The following ELP4 variants were observed in gnomAD, a reference collection of about 807,000 sequenced individuals.
The protein encoded by ELP4 is elongator acetyltransferase complex subunit 4, also known as elongator complex protein 4.
In ELP4, 51 loss-of-function variants were observed where a neutral mutation model predicts 48.9. The observed-to-expected ratio is 1.04, with a 90% CI of 0.83 to 1.32. The LOEUF is 1.32. Ranked by LOEUF, ELP4 falls within the 40% of genes most tolerant of loss-of-function variation. The pLI is 0.00. For synonymous variants in ELP4, 210 were observed against 189.2 expected (o/e 1.11, Z -0.90); for missense variants, 519 against 514.6 (o/e 1.01, Z -0.08).
intron 2 of ELP4, among the ~76,000 whole-genome samples, chr11:31,539,192 C>T (rs1027605365): frequency 6.6e-6 from 1 of 152,164 alleles, no homozygotes; most frequent in Non-Finnish European, 1.5e-5. Context: ...TGGCCGGGCG[C>T]GGTGGCTTAC....
intron 9 of ELP4, among the ~76,000 whole-genome samples, chr11:31,726,128 C>T (rs1337499832): frequency 1.3e-5 from 2 of 152,102 alleles, no homozygotes; most frequent in African/African-American, 4.8e-5. Context: ...AATTGAGGAA[C>T]AGATTTGGGG....
intron 9 of ELP4, among the ~76,000 whole-genome samples, chr11:31,731,252 A>G (rs560878780): frequency 2.0e-5 from 3 of 152,324 alleles, no homozygotes; most frequent in East Asian, 3.9e-4. Context: ...AAAAACAGGT[A>G]TGTGAATTGC....
intron 9 of ELP4, among the ~76,000 whole-genome samples, chr11:31,726,825 A>G (rs1337612443): frequency 2.6e-5 from 4 of 152,324 alleles, no homozygotes; most frequent in Admixed American, 6.5e-5. Context: ...ATATTATACA[A>G]TATGAATTGA....
intron 9 of ELP4, among the ~76,000 whole-genome samples, chr11:31,672,146 A>G (rs1380165360): frequency 1.3e-5 from 2 of 152,124 alleles, no homozygotes; most frequent in East Asian, 1.9e-4. Flanking sequence ...TACCCCCTGT[A>G]AAGACACTCC....
chr11:31,581,759 T>A (rs1957397148), intron 3 of ELP4, among the ~76,000 whole-genome samples: 1 of 151,650 alleles, frequency 6.6e-6, no homozygotes. Flanking sequence ...TGTCTTTTTT[T>A]TTTTTTTCTT....
At chr11:31,598,447 G>T (rs374171626) in intron 4 of ELP4, among the ~76,000 whole-genome samples, 3 of 147,410 alleles carry the variant, frequency 2.0e-5, no homozygotes, top group African/African-American at 7.5e-5. Flanking sequence ...ATTAATTAAG[G>T]TTGCATATTA....
chr11:31,657,955 C>T (rs1225229647), intron 9 of ELP4, among the ~76,000 whole-genome samples: 1 of 151,996 alleles, frequency 6.6e-6, no homozygotes, highest in African/African-American at 2.4e-5. Context: ...ACCCATATAA[C>T]ATTATTATCT....
chr11:31,786,814 G>C lies in ELP4; in HGVS notation c.*3290G>C, dbSNP rs1948669297. 4.6e-6 allele frequency: 1 copy of C among 218,158 alleles called. No homozygotes were observed. The highest frequency in any genetic ancestry group is 9.2e-6 in the Non-Finnish European group (1 of 108,518). The allele number at this position is 218,158 out of a possible 1,614,324, so 13.5% of individuals were successfully genotyped here. A position where few individuals can be genotyped will look rare whatever the true frequency, so the allele number is the denominator to read the frequency against. On this transcript the variant is annotated 3_prime_UTR_variant, in exon 10 of 10. Transcript: ENST00000640961. The stretch of plus-strand genomic sequence containing the variant: ...GCAGTAAAATGCATTTTTTTACTTA[G>C]AGCAGTTTGAACGTTTATTACTTAA...
At chr11:31,779,195 C>T (rs985067465) in intron 9 of ELP4, among the ~76,000 whole-genome samples, 3 of 152,168 alleles carry the variant, frequency 2.0e-5, no homozygotes, top group African/African-American at 7.2e-5. Context: ...TCAAAGTATA[C>T]TACATCAGTT....
At chr11:31,566,505 TA>T (rs1370542249) in intron 3 of ELP4, among the ~76,000 whole-genome samples, 1 of 152,182 alleles carries the variant, frequency 6.6e-6, no homozygotes, top group Non-Finnish European at 1.5e-5. Context: ...AAAGAATGGT[TA>T]AAAAAATATT....
At chr11:31,592,099 G>A (rs1169735076) in intron 3 of ELP4, among the ~76,000 whole-genome samples, 1 of 152,188 alleles carries the variant, frequency 6.6e-6, no homozygotes, top group Admixed American at 6.5e-5. Context: ...GAAGGGGAAT[G>A]TGGAGTGATT....
chr11:31,596,172 AGG>A (rs1957667919), intron 4 of ELP4, among the ~76,000 whole-genome samples: 1 of 152,162 alleles, frequency 6.6e-6, no homozygotes, highest in Non-Finnish European at 1.5e-5. Flanking sequence ...TGGGAGGCCG[AGG>A]CGGGTGGATC....
chr11:31,677,789 CT>C (rs1945961382), intron 9 of ELP4, among the ~76,000 whole-genome samples: 1 of 152,154 alleles, frequency 6.6e-6, no homozygotes, highest in South Asian at 2.1e-4. Flanking sequence ...TCAGTTTCCC[CT>C]ATTATTAATA....
intron 9 of ELP4, among the ~76,000 whole-genome samples, chr11:31,771,708 A>C (rs12799222): frequency 6.6e-6 from 1 of 152,158 alleles, no homozygotes. Context: ...GGCCGGGCTC[A>C]GTGGCTCACG....
rs1947800147 is a variant in ELP4 at position 31,754,872 on chromosome 11, A to G, written c.1144-28521A>G. The stretch of plus-strand genomic sequence containing the variant: ...GGGTGACAGAGCAAGACTCTATGTC[A>G]AAAATAAATCCTCTCCCTGGCCTAA... On this transcript the variant is annotated intron_variant, in intron 9 of 9. Coordinates refer to ENST00000640961, the MANE Select transcript of ELP4 (RefSeq NM_019040.5). Among the ~76,000 whole-genome samples, 4 of 152,260 alleles carry G rather than the reference A, an allele frequency of 2.6e-5. No homozygotes were observed. In the South Asian group the frequency reaches 8.3e-4, roughly 32 times the overall value.
At position 31,632,291 on chromosome 11, in the gene ELP4, T is replaced by C; in HGVS notation, c.813T>C (p.Cys271=). The part of the protein sequence containing the change: ...GSPLWGDDIC[C]AENGGNSHSL... ...CTTTATGGGGAGACGATATTTGCTG[T>C]GCAGAAAATGGTGGCAACAGTCACA... is the stretch of plus-strand genomic sequence containing the variant. The change falls in exon 7 of 10, where the codon TGT becomes TGC. Residue 271 remains cysteine, a synonymous_variant. Coordinates refer to ENST00000640961, the MANE Select transcript of ELP4 (RefSeq NM_019040.5). 2 of 1,613,304 alleles carry C rather than the reference T, an allele frequency of 1.2e-6. No individual in the cohort carries two copies. Among genetic ancestry groups the C allele is most frequent in the Non-Finnish European group, 1.7e-6 (2 of 1,179,536 alleles).
chr11:31,656,676 C>T (rs975469054), intron 9 of ELP4, among the ~76,000 whole-genome samples: 1 of 151,976 alleles, frequency 6.6e-6, no homozygotes, highest in Admixed American at 6.6e-5. Flanking sequence ...CTAACAGTCT[C>T]TCATAAAGAT....
chr11:31,786,694 A>G lies in ELP4; in HGVS notation c.*3170A>G, dbSNP rs1028056109. On this transcript the variant is annotated 3_prime_UTR_variant, in exon 10 of 10. Transcript: ENST00000640961. ...TAGGAAACCTAGTGATGATAGTAAG[A>G]AGAAATGGCAGTGAGCTGTAGCAAG... 2 of 218,954 alleles carry G rather than the reference A, an allele frequency of 9.1e-6. No homozygotes were observed. The highest frequency in any genetic ancestry group is 1.8e-5 in the Non-Finnish European group (2 of 110,370). 13.6% of individuals were successfully genotyped at this position (218,954 alleles called of 1,614,324 possible). A position where few individuals can be genotyped will look rare whatever the true frequency, so the allele number is the denominator to read the frequency against.
intron 9 of ELP4, among the ~76,000 whole-genome samples, chr11:31,689,889 A>C (rs1257716509): frequency 6.6e-6 from 1 of 152,120 alleles, no homozygotes; most frequent in Non-Finnish European, 1.5e-5. Context: ...CAGGCAAAGA[A>C]GCATTGCTCT....
Sources: allele counts gnomAD v4.1 joint callset (sites outside exome capture counted in the v4.1 genomes callset), GRCh38; gene constraint gnomAD v4.1.1; transcripts MANE v1.5; gene names NCBI Gene and HGNC (gene_info 2026-07-23, HGNC 2026-07-21).